CISD1: variants seen among roughly 807,000 people sequenced by gnomAD.
CISD1 encodes the protein CDGSH iron-sulfur domain-containing protein 1.
In CISD1, 8 loss-of-function variants were observed where a neutral mutation model predicts 12.0. That is an observed-to-expected ratio of 0.67 (90% CI 0.39 to 1.20). CISD1 has a LOEUF of 1.20. Among genes scored for constraint, CISD1 ranks in the 50% most tolerant of loss-of-function variants. The probability of loss-of-function intolerance (pLI) is 0.01; values close to 1 mark genes in which losing one functional copy is unlikely to be tolerated. For synonymous variants in CISD1, 38 were observed against 42.2 expected, an observed-to-expected ratio of 0.90 and a Z score of 0.39; for missense variants, 107 against 132.7, an observed-to-expected ratio of 0.81 and a Z score of 0.95.
At chr10:58,273,774 A>G (rs1839277550) in intron 1 of CISD1, among the ~76,000 whole-genome samples, 1 of 152,222 alleles carries the variant, frequency 6.6e-6, no homozygotes, top group Non-Finnish European at 1.5e-5. Flanking sequence ...TGATTACACA[A>G]GGTCTGGTAG....
intron 1 of CISD1, among the ~76,000 whole-genome samples, chr10:58,274,001 G>A (rs911192872): frequency 1.3e-5 from 2 of 152,156 alleles, no homozygotes; most frequent in Non-Finnish European, 2.9e-5. Context: ...AGGTGTGGTG[G>A]TGGGCGCCTG....
At chr10:58,274,114 C>T (rs1839282647) in intron 1 of CISD1, among the ~76,000 whole-genome samples, 1 of 151,728 alleles carries the variant, frequency 6.6e-6, no homozygotes, top group South Asian at 2.1e-4. Context: ...GCCTGGGCAA[C>T]AGAGCAAGAC....
rs192935111 is a variant in CISD1 at position 58,281,903 on chromosome 10, C to T, written c.237+4581C>T. On this transcript the variant is annotated intron_variant, in intron 2 of 2. Coordinates refer to ENST00000333926, the MANE Select transcript of CISD1 (RefSeq NM_018464.5). ...TAAAAACATATCCCTCCCTTTTGTC[C>T]AGTGCTTCTCTTGCCAGCATTGGTA... Among the ~76,000 whole-genome samples, 16 of 151,668 alleles carry T rather than the reference C, an allele frequency of 1.1e-4. No individual in the cohort carries two copies. In the East Asian group the frequency reaches 2.9e-3, roughly 27 times the overall value.
intron 1 of CISD1, among the ~76,000 whole-genome samples, chr10:58,275,043 A>G (rs901763516): frequency 3.0e-4 from 45 of 152,366 alleles, no homozygotes; most frequent in Admixed American, 5.9e-4. Context: ...GGTGCCATCA[A>G]ACAAATATGT....
Position 58,269,218 on chromosome 10 carries a change from C to A in CISD1, c.-56C>A. 1 of 1,583,876 alleles carries A rather than the reference C, an allele frequency of 6.3e-7. No individual in the cohort carries two copies. ...CTGGCACCTTTACTCTCGCCGGCCG[C>A]GCGAACCCGTTTGAGCTCGGTATCC... On this transcript the variant is annotated 5_prime_UTR_variant, in exon 1 of 3. Transcript: ENST00000333926.
rs533032798 is a variant in CISD1, at chr10:58,272,785, G to A, written c.31+3481G>A. Among the ~76,000 whole-genome samples the A allele has an allele frequency of 1.8e-4, 27 of 152,274 alleles. 1 individual carries two copies. The highest frequency in any genetic ancestry group is 1.6e-3 in the Admixed American group (25 of 15,294). On this transcript the variant is annotated intron_variant, in intron 1 of 2. Transcript: ENST00000333926. ...ATACAAAAAATTAGCCAGGCATGGT[G>A]GCACGCATCTGTAGTCCCAGCTACT...
At chr10:58,277,025 A>T in intron 1 of CISD1, 92 bp from the exon 2 acceptor site, 1 of 847,600 alleles carries the variant, frequency 1.2e-6, no homozygotes, top group African/African-American at 1.7e-5. Context: ...TAGGATGCTT[A>T]ATACTCAAAA....
At chr10:58,270,144 T>A (rs1839228070) in intron 1 of CISD1, among the ~76,000 whole-genome samples, 1 of 152,214 alleles carries the variant, frequency 6.6e-6, no homozygotes, top group African/African-American at 2.4e-5. Context: ...GCAAAGAGAC[T>A]GTCTAGAGGT....
chr10:58,273,622 A>G (rs1323978142), intron 1 of CISD1: 2 of 152,206 alleles, frequency 1.3e-5, no homozygotes, highest in African/African-American at 4.8e-5. Flanking sequence ...CTCTCTGAAT[A>G]ATTTTAAAGA....
chr10:58,270,786 T>G (rs1280728053), intron 1 of CISD1, among the ~76,000 whole-genome samples: 4 of 152,238 alleles, frequency 2.6e-5, no homozygotes, highest in African/African-American at 9.6e-5. Context: ...ACTTTCCCAA[T>G]CATTTTCCAT....
intron 1 of CISD1, among the ~76,000 whole-genome samples, chr10:58,270,690 G>C (rs562895623): frequency 9.2e-5 from 14 of 152,230 alleles, no homozygotes; most frequent in Non-Finnish European, 1.6e-4. Context: ...TCTGCAGGCT[G>C]GTCTGCAGGA....
At chr10:58,277,422 C>G in intron 2 of CISD1, 100 bp downstream of exon 2, 2 of 861,014 alleles carry the variant, frequency 2.3e-6, no homozygotes, top group Non-Finnish European at 3.4e-6. Context: ...TATGATATCC[C>G]TTTTTTGTTG....
chr10:58,276,978 T>C lies in CISD1; in HGVS notation c.32-139T>C. The C allele has an allele frequency of 1.0e-5, 6 of 591,268 alleles. No individual in the cohort carries two copies. The East Asian group carries it at 1.8e-4, about 17-fold the overall frequency. The allele number at this position is 591,268 out of a possible 1,614,324, so 36.6% of individuals were successfully genotyped here. ...ACAAAGGACTATTATACCAGTGTTT[T>C]CTGATCATTTTGTTAACATTAAAAA... On this transcript the variant is annotated intron_variant, in intron 1 of 2. Coordinates refer to ENST00000333926, the MANE Select transcript of CISD1 (RefSeq NM_018464.5).
intron 1 of CISD1, among the ~76,000 whole-genome samples, chr10:58,271,196 C>A (rs1432208392): frequency 6.7e-6 from 1 of 149,248 alleles, no homozygotes; most frequent in Non-Finnish European, 1.5e-5. Flanking sequence ...CCCGCCACTA[C>A]GCCCGGCTAA....
At position 58,287,832 on chromosome 10, in the gene CISD1, C is replaced by CAA. The variant is rs60626434; in HGVS notation, c.*198_*199dup. 5.5e-4 allele frequency: 142 copies of CAA among 256,278 alleles called. No homozygotes were observed. Among genetic ancestry groups the CAA allele is most frequent in the Non-Finnish European group, 6.8e-4 (96 of 140,294 alleles). The allele number at this position is 256,278 out of a possible 1,614,324, so 15.9% of individuals were successfully genotyped here. A position where few individuals can be genotyped will look rare whatever the true frequency, so the allele number is the denominator to read the frequency against. On this transcript the variant is annotated 3_prime_UTR_variant, in exon 3 of 3. Coordinates refer to ENST00000333926, the MANE Select transcript of CISD1 (RefSeq NM_018464.5). ...ACATCGTGGTGCACATTTGTTTAAA[C>CAA]AAAAAAAAAAAAAAAAAGGAAAAAC...
intron 2 of CISD1, among the ~76,000 whole-genome samples, chr10:58,282,699 C>T (rs1004250104): frequency 8.5e-5 from 13 of 152,114 alleles, no homozygotes; most frequent in Admixed American, 7.9e-4. Context: ...ATTAAAGTGA[C>T]TACAGGGAAA....
At chr10:58,275,023 G>A (rs1288498603) in intron 1 of CISD1, among the ~76,000 whole-genome samples, 1 of 152,114 alleles carries the variant, frequency 6.6e-6, no homozygotes, top group African/African-American at 2.4e-5. Context: ...AGGACTGTTT[G>A]CAATATGCAG....
At chr10:58,278,641 T>A (rs1039181230) in intron 2 of CISD1, among the ~76,000 whole-genome samples, 1 of 152,178 alleles carries the variant, frequency 6.6e-6, no homozygotes, top group Non-Finnish European at 1.5e-5. Context: ...ATGTTGGGGA[T>A]CTCTCCCCAT....
At chr10:58,271,307 T>C (rs899369492) in intron 1 of CISD1, among the ~76,000 whole-genome samples, 4 of 152,068 alleles carry the variant, frequency 2.6e-5, no homozygotes, top group Non-Finnish European at 5.9e-5. Context: ...CCCAAAGTGC[T>C]GGGATTACAG....
Sources: gnomAD v4.1 joint callset for allele counts (sites outside exome capture counted in the v4.1 genomes callset) on GRCh38, gnomAD v4.1.1 for gene constraint, MANE v1.5 for transcripts, NCBI Gene and HGNC (gene_info 2026-07-23, HGNC 2026-07-21) for gene names.